ZDHHC23: variants seen among roughly 807,000 people sequenced by gnomAD.
The protein encoded by ZDHHC23 is zDHHC palmitoyltransferase 23, also known as palmitoyltransferase ZDHHC23.
In ZDHHC23, 41 loss-of-function variants were observed where a neutral mutation model predicts 40.2. That is an observed-to-expected ratio of 1.02 (90% confidence interval 0.79 to 1.32). The LOEUF (loss-of-function observed/expected upper bound fraction) is 1.32. Ranked by LOEUF, ZDHHC23 falls within the 40% of genes most tolerant of loss-of-function variation. The pLI is 0.00. For synonymous variants in ZDHHC23, 204 were observed against 210.2 expected (o/e 0.97, Z 0.26); for missense variants, 471 against 541.5 (o/e 0.87, Z 1.29).
chr3:113,956,275 T>C lies in ZDHHC23; in HGVS notation c.873-64T>C, dbSNP rs140139563. On this transcript the variant is annotated intron_variant, in intron 3 of 4. Coordinates refer to ENST00000638807, the MANE Select transcript of ZDHHC23 (RefSeq NM_001320466.2). ...AAAAATAAAGCTTTCATGTTTATTA[T>C]GTAAGTTATATCAAGAACTCTTAAA... 6.8e-4 allele frequency: 1,022 copies of C among 1,512,802 alleles called. 2 individuals are homozygous for C. Among genetic ancestry groups the C allele is most frequent in the Middle Eastern group, 6.4e-3 (35 of 5,500 alleles). 93.7% of individuals were successfully genotyped at this position (1,512,802 alleles called of 1,614,324 possible).
intron 1 of ZDHHC23, 32 bp downstream of exon 1, chr3:113,948,222 G>C (rs1388837769): frequency 6.5e-6 from 1 of 152,696 alleles, no homozygotes; most frequent in Non-Finnish European, 1.5e-5. Flanking sequence ...TTCTCCTGGC[G>C]GGGTGGTGCG....
the ZDHHC23 span, among the ~76,000 whole-genome samples, chr3:113,976,944 C>G: frequency 6.6e-5 from 10 of 152,186 alleles, no homozygotes; most frequent in African/African-American, 2.4e-4. Flanking sequence ...ACTTGCTTAT[C>G]TGTTTTCCCA....
At chr3:113,967,009 G>A (rs1332970789), downstream of ZDHHC23, among the ~76,000 whole-genome samples, 1 of 152,100 alleles carries the variant, frequency 6.6e-6, no homozygotes, top group East Asian at 1.9e-4. Context: ...TGAGGCACGA[G>A]AATCACTTGA....
the ZDHHC23 span, chr3:113,978,784 T>TC: frequency 1.3e-6 from 2 of 1,493,954 alleles, no homozygotes; most frequent in Admixed American, 3.9e-5. Context: ...CTGGACATTC[T>TC]GGATTTCATT....
chr3:113,973,568 TG>T, the ZDHHC23 span, among the ~76,000 whole-genome samples: 8 of 151,788 alleles, frequency 5.3e-5, no homozygotes, highest in Admixed American at 4.6e-4. Context: ...AAGATGGCTT[TG>T]CTGGATACAG....
At chr3:113,950,101 T>C (rs1938516810) in intron 2 of ZDHHC23, among the ~76,000 whole-genome samples, 1 of 152,178 alleles carries the variant, frequency 6.6e-6, no homozygotes, top group African/African-American at 2.4e-5. Flanking sequence ...CCCTGAGGCA[T>C]CTCCTCTGCT....
intron 2 of ZDHHC23, among the ~76,000 whole-genome samples, chr3:113,951,662 G>A (rs868091181): frequency 2.6e-4 from 39 of 152,162 alleles, no homozygotes; most frequent in African/African-American, 8.7e-4. Context: ...AAGGATCTCC[G>A]AATGCCTTCA....
At chr3:113,953,098 G>T (rs1938836355) in intron 2 of ZDHHC23, among the ~76,000 whole-genome samples, 1 of 152,178 alleles carries the variant, frequency 6.6e-6, no homozygotes, top group South Asian at 2.1e-4. Flanking sequence ...ATGTAGCCCT[G>T]TCCCTGTGGG....
downstream of ZDHHC23, among the ~76,000 whole-genome samples, chr3:113,963,520 T>C (rs544094678): frequency 1.5e-4 from 22 of 144,118 alleles, no homozygotes; most frequent in South Asian, 4.8e-3. Context: ...GAGGATCACT[T>C]GAGCCCAGGA....
rs1938343028 is a variant in ZDHHC23, at chr3:113,948,547, G to A, written c.-117-139G>A. The A allele has an allele frequency of 7.6e-6, 3 of 394,538 alleles. No homozygotes were observed. The South Asian group carries it at 1.4e-4, about 18-fold the overall frequency. 24.4% of individuals were successfully genotyped at this position (394,538 alleles called of 1,614,324 possible). A position where few individuals can be genotyped will look rare whatever the true frequency, so the allele number is the denominator to read the frequency against. ...AACGGCTGGTGCCCAGACGGCGCCT[G>A]CCCAGGCTGGGAAGGGGCGGTGAAG... On this transcript the variant is annotated intron_variant, in intron 1 of 4. Coordinates refer to ENST00000638807, the MANE Select transcript of ZDHHC23 (RefSeq NM_001320466.2).
At chr3:113,954,632 G>A (rs1938995976) in intron 3 of ZDHHC23, among the ~76,000 whole-genome samples, 1 of 151,186 alleles carries the variant, frequency 6.6e-6, no homozygotes, top group African/African-American at 2.4e-5. Flanking sequence ...CAGAAAACTT[G>A]TGGGGTTTTT....
chr3:113,948,828 C>T lies in ZDHHC23; in HGVS notation c.26C>T (p.Pro9Leu). 6.2e-7 allele frequency: 1 copy of T among 1,614,052 alleles called. No homozygotes were observed. Among genetic ancestry groups the T allele is most frequent in the South Asian group, 1.1e-5 (1 of 91,036 alleles). Residue 9 changes from proline to leucine, a missense_variant, in exon 2 of 5, where the codon CCT becomes CTT. Pro to Leu is a moderately conservative substitution (Grantham distance 98). Around this residue, in one of 3 missense-constraint regions of ZDHHC23, gnomAD observed 83 missense variants for 67.8 expected, o/e 1.22. Coordinates refer to ENST00000638807, the MANE Select transcript of ZDHHC23 (RefSeq NM_001320466.2). ...ATGACACAGAAGGGCAGTATGAAGCCTGTGAAGAAAAAGAAAACCGAAGAA... is the reference window on the plus strand; with the variant it reads ...ATGACACAGAAGGGCAGTATGAAGCTTGTGAAGAAAAAGAAAACCGAAGAA... MTQKGSMK[P>L]VKKKKTEEPE...
chr3:113,953,675 T>C, intron 2 of ZDHHC23, 25 bp from the exon 3 acceptor site: 1 of 1,586,080 alleles, frequency 6.3e-7, no homozygotes, highest in Non-Finnish European at 8.6e-7. Context: ...ATGAAGTCCC[T>C]CCTCTTTGTG....
chr3:113,965,663 C>T (rs188802639), downstream of ZDHHC23, among the ~76,000 whole-genome samples: 22 of 152,246 alleles, frequency 1.4e-4, no homozygotes, highest in African/African-American at 4.8e-4. Context: ...AATCTCGGCT[C>T]ACTGCAACCT....
rs17853402 is a variant in ZDHHC23 at position 113,954,199 on chromosome 3, A to C, written c.661A>C (p.Thr221Pro). ...CCTGAGCAGAAAAGGGCAGGAGAAG[A>C]CCAAAGGGTTCCCTGGGGCAGACAT... Reference protein sequence around the residue: ...ECLSRKGQEKTKGFPGADMSG... With the variant: ...ECLSRKGQEKPKGFPGADMSG... The change falls in exon 3 of 5, where the codon ACC becomes CCC. Residue 221 changes from threonine to proline, a missense_variant. Physicochemically the swap from Thr to Pro is conservative, Grantham distance 38. This residue lies in a region of ZDHHC23 where 346 missense variants were observed against 399.8 expected (regional missense o/e 0.87). Transcript: ENST00000638807. 6.2e-7 allele frequency: 1 copy of C among 1,614,204 alleles called. No individual in the cohort carries two copies. The highest frequency in any genetic ancestry group is 8.5e-7 in the Non-Finnish European group (1 of 1,180,028).
chr3:113,959,053 G>T lies in ZDHHC23; in HGVS notation c.*423G>T. 1.0e-6 allele frequency: 1 copy of T among 986,342 alleles called. No individual in the cohort carries two copies. Among genetic ancestry groups the T allele is most frequent in the Non-Finnish European group, 1.3e-6 (1 of 768,582 alleles). The allele number at this position is 986,342 out of a possible 1,614,324, so 61.1% of individuals were successfully genotyped here. A position where few individuals can be genotyped will look rare whatever the true frequency, so the allele number is the denominator to read the frequency against. ...GTCTCAGGGTCATCTGCAAAGTGGG[G>T]TACTGATGCCTGCCCTGGCTACCTC... On this transcript the variant is annotated 3_prime_UTR_variant, in exon 5 of 5. Coordinates refer to ENST00000638807, the MANE Select transcript of ZDHHC23 (RefSeq NM_001320466.2).
At chr3:113,958,099 G>A (rs1559849552) in intron 4 of ZDHHC23, among the ~76,000 whole-genome samples, 1 of 152,136 alleles carries the variant, frequency 6.6e-6, no homozygotes, top group Non-Finnish European at 1.5e-5. Flanking sequence ...TGCTGGGTGT[G>A]TGGAGGGTAC....
At position 113,954,339 on chromosome 3, in the gene ZDHHC23, G is replaced by A; in HGVS notation, c.801G>A (p.Val267=). The part of the protein sequence containing the change: ...KEDWCAKCQL[V]RPARAWHCRI... ...ACTGGTGTGCCAAGTGCCAGCTGGTGCGACCAGCCCGGGCATGGCACTGCC... is the reference window on the plus strand; with the variant it reads ...ACTGGTGTGCCAAGTGCCAGCTGGTACGACCAGCCCGGGCATGGCACTGCC... Residue 267 remains valine (V), a synonymous_variant, in exon 3 of 5, where the codon GTG becomes GTA. Coordinates refer to ENST00000638807, the MANE Select transcript of ZDHHC23 (RefSeq NM_001320466.2). The A allele has an allele frequency of 6.2e-7, 1 of 1,613,920 alleles. No individual in the cohort carries two copies. The highest frequency in any genetic ancestry group is 8.5e-7 in the Non-Finnish European group (1 of 1,179,844).
At chr3:113,976,913 A>C in the ZDHHC23 span, among the ~76,000 whole-genome samples, 1 of 152,064 alleles carries the variant, frequency 6.6e-6, no homozygotes, top group Admixed American at 6.5e-5. Context: ...ATTTGTTTTA[A>C]TTTAAACAAA....
Sources: allele counts gnomAD v4.1 joint callset (sites outside exome capture counted in the v4.1 genomes callset), GRCh38; gene constraint gnomAD v4.1.1; regional missense constraint gnomAD v4.1.1; transcripts MANE v1.5; gene names NCBI Gene and HGNC (gene_info 2026-07-23, HGNC 2026-07-21).